Variants in DCDC2 observed in about 807,000 individuals in gnomAD.
DCDC2 encodes the protein doublecortin domain containing 2.
In DCDC2, 40 loss-of-function variants were observed where a neutral mutation model predicts 50.2. The ratio of observed to expected loss-of-function variants is 0.80; its 90% CI spans 0.62 to 1.04. The LOEUF is 1.04. DCDC2 is among the 50% of genes least tolerant of loss of function. The pLI is 0.00. For synonymous variants in DCDC2, 234 were observed against 210.6 expected (o/e 1.11, Z -0.96); for missense variants, 570 against 581.9 (o/e 0.98, Z 0.21).
At chr6:24,374,942 C>T in the DCDC2 span, among the ~76,000 whole-genome samples, 3 of 152,186 alleles carry the variant, frequency 2.0e-5, no homozygotes, top group African/African-American at 7.2e-5. Flanking sequence ...CCAGTGTCCC[C>T]TCTGAGGAGT....
At chr6:24,315,306 A>G (rs1191763808) in intron 2 of DCDC2, among the ~76,000 whole-genome samples, 1 of 151,924 alleles carries the variant, frequency 6.6e-6, no homozygotes, top group Non-Finnish European at 1.5e-5. Flanking sequence ...ACCAGCCTTT[A>G]CTGCAGTGGT....
Position 24,250,647 on chromosome 6 carries a change from G to A in DCDC2, c.922+27402C>T, listed in dbSNP as rs1250108804. Among the ~76,000 whole-genome samples the A allele has an allele frequency of 2.0e-5, 3 of 151,904 alleles. No homozygotes were observed. The East Asian group carries it at 5.8e-4, about 29-fold the overall frequency. On this transcript the variant is annotated intron_variant, in intron 7 of 9. Transcript: ENST00000378454. ...ATAAAATATGTGAACAATTCTAAAA[G>A]ACAGACTGCTTTAGAAGAACAGAAA...
At position 24,180,731 on chromosome 6, in the gene DCDC2, C is replaced by T. The variant is rs376397641; in HGVS notation, c.1024-2099G>A. On this transcript the variant is annotated intron_variant, in intron 8 of 9. Coordinates refer to ENST00000378454, the MANE Select transcript of DCDC2 (RefSeq NM_016356.5). The stretch of plus-strand genomic sequence containing the variant: ...GAGTTTGGAACCCAGTTAGCCCTGA[C>T]CCCCCTTTCCAACTCTAGAAGCCCA... 5.9e-5 allele frequency among the ~76,000 whole-genome samples: 9 copies of T among 151,836 alleles called. No individual in the cohort carries two copies. In the East Asian group the frequency reaches 9.7e-4, roughly 16 times the overall value.
chr6:24,324,427 T>A (rs1306713351), intron 2 of DCDC2, among the ~76,000 whole-genome samples: 1 of 152,238 alleles, frequency 6.6e-6, no homozygotes, highest in Non-Finnish European at 1.5e-5. Flanking sequence ...TCCATCCAGA[T>A]TTGCAGAAGC....
the DCDC2 span, among the ~76,000 whole-genome samples, chr6:24,378,353 G>T: frequency 6.6e-6 from 1 of 152,198 alleles, no homozygotes; most frequent in Admixed American, 6.5e-5. Context: ...CATCCAAACT[G>T]GCAGAGAGCA....
chr6:24,238,062 G>A (rs1398167852), intron 7 of DCDC2, among the ~76,000 whole-genome samples: 2 of 106,746 alleles, frequency 1.9e-5, no homozygotes, highest in East Asian at 5.6e-4. Flanking sequence ...ATGTGCACCT[G>A]AATCTAAAAT....
At chr6:24,204,382 C>T (rs1761663840) in intron 8 of DCDC2, among the ~76,000 whole-genome samples, 1 of 152,086 alleles carries the variant, frequency 6.6e-6, no homozygotes, top group East Asian at 1.9e-4. Flanking sequence ...CAAACTAACA[C>T]AGGAACAGAA....
At chr6:24,207,052 C>A (rs1364863617) in intron 7 of DCDC2, among the ~76,000 whole-genome samples, 1 of 152,004 alleles carries the variant, frequency 6.6e-6, no homozygotes, top group African/African-American at 2.4e-5. Flanking sequence ...TTCATTTTTA[C>A]CATAAACATT....
At chr6:24,186,837 C>A (rs191362913) in intron 8 of DCDC2, among the ~76,000 whole-genome samples, 53 of 152,196 alleles carry the variant, frequency 3.5e-4, no homozygotes, top group African/African-American at 1.2e-3. Context: ...AAGTCTTAAC[C>A]CCAGTACCTC....
At chr6:24,208,680 A>G (rs755128006) in intron 7 of DCDC2, among the ~76,000 whole-genome samples, 15 of 152,100 alleles carry the variant, frequency 9.9e-5, no homozygotes, top group Admixed American at 3.9e-4. Context: ...CCTCTGCACT[A>G]CTTTTTCCTC....
In DCDC2 at chr6:24,178,210, T is replaced by C. The variant is rs551888982; in HGVS notation, c.1326+120A>G. 18 of 981,074 alleles carry C rather than the reference T, an allele frequency of 1.8e-5. No individual in the cohort carries two copies. The Middle Eastern group carries it at 9.5e-4, about 52-fold the overall frequency. The allele number at this position is 981,074 out of a possible 1,614,324, so 60.8% of individuals were successfully genotyped here. On this transcript the variant is annotated intron_variant, in intron 9 of 9. Coordinates refer to ENST00000378454, the MANE Select transcript of DCDC2 (RefSeq NM_016356.5). Reference sequence around the variant, plus strand: ...GGATTAAATGGTATTGGATCTTTCCTACTCAACCACAAGTGGTTTCAATAC... The same window carrying C: ...GGATTAAATGGTATTGGATCTTTCCCACTCAACCACAAGTGGTTTCAATAC...
intron 7 of DCDC2, among the ~76,000 whole-genome samples, chr6:24,226,389 C>A (rs1762234863): frequency 6.6e-6 from 1 of 152,204 alleles, no homozygotes; most frequent in Non-Finnish European, 1.5e-5. Context: ...AAACTGAAAT[C>A]TGACCAGGCT....
intron 2 of DCDC2, among the ~76,000 whole-genome samples, chr6:24,346,848 G>A (rs74414697): frequency 0.026 from 3,990 of 152,134 alleles, 81 homozygotes; most frequent in Middle Eastern, 0.041. Flanking sequence ...GGTTGATGAG[G>A]TCTTAAACAG....
At chr6:24,203,769 G>A (rs557019327) in intron 8 of DCDC2, among the ~76,000 whole-genome samples, 16 of 151,458 alleles carry the variant, frequency 1.1e-4, no homozygotes, top group Middle Eastern at 3.4e-3. Context: ...GAATCTACAA[G>A]GAACTTAAAA....
At chr6:24,244,721 C>A (rs796797435) in intron 7 of DCDC2, among the ~76,000 whole-genome samples, 6 of 152,316 alleles carry the variant, frequency 3.9e-5, no homozygotes, top group African/African-American at 1.4e-4. Flanking sequence ...GGTGCCCAAG[C>A]CTGACTTTCC....
chr6:24,209,529 C>G (rs1761809206), intron 7 of DCDC2, among the ~76,000 whole-genome samples: 1 of 152,170 alleles, frequency 6.6e-6, no homozygotes, highest in Non-Finnish European at 1.5e-5. Flanking sequence ...CTAATGTCAA[C>G]AGGTAAGTGA....
intron 7 of DCDC2, among the ~76,000 whole-genome samples, chr6:24,230,327 T>A (rs577329454): frequency 6.6e-6 from 1 of 151,712 alleles, no homozygotes; most frequent in South Asian, 2.1e-4. Flanking sequence ...ACAGTAGTAA[T>A]TGAAAACAAC....
chr6:24,296,106 T>C (rs994723047), intron 4 of DCDC2, among the ~76,000 whole-genome samples: 2 of 152,176 alleles, frequency 1.3e-5, no homozygotes, highest in Non-Finnish European at 2.9e-5. Flanking sequence ...CAAAACAGCA[T>C]GGTATTGGGA....
At chr6:24,248,941 T>C (rs963277119) in intron 7 of DCDC2, among the ~76,000 whole-genome samples, 3 of 152,330 alleles carry the variant, frequency 2.0e-5, no homozygotes, top group Non-Finnish European at 2.9e-5. Flanking sequence ...CAATTACCAA[T>C]GCCCCATCCA....
Sources: gnomAD v4.1 joint callset for allele counts (sites outside exome capture counted in the v4.1 genomes callset) on GRCh38, gnomAD v4.1.1 for gene constraint, MANE v1.5 for transcripts, NCBI Gene and HGNC (gene_info 2026-07-23, HGNC 2026-07-21) for gene names.